Variants in MNDA observed in about 807,000 individuals in gnomAD.
The protein encoded by MNDA is epididymis secretory sperm binding protein.
Under a neutral mutation model 37.8 loss-of-function variants are expected in MNDA, and 43 were observed. The ratio of observed to expected loss-of-function variants is 1.14; its 90% CI spans 0.89 to 1.47. The LOEUF is 1.47. MNDA is among the 40% of genes most tolerant of loss of function. MNDA has a pLI of 0.00. For missense variants in MNDA, 536 were observed against 476.0 expected (o/e 1.13, Z -1.17); for synonymous variants, 181 against 169.0 (o/e 1.07, Z -0.55).
At position 158,847,917 on chromosome 1, in the gene MNDA, G is replaced by C; in HGVS notation, c.1176+1G>C. 1 of 1,613,152 alleles carries C rather than the reference G, an allele frequency of 6.2e-7. No individual in the cohort carries two copies. The highest frequency in any genetic ancestry group is 8.5e-7 in the Non-Finnish European group (1 of 1,179,442). Reference sequence around the variant, plus strand: ...GTGTGGAAGTCACAGCTTCATCAAGGTGGGAACTGGATAGAGGAGAATGAG... The same window carrying C: ...GTGTGGAAGTCACAGCTTCATCAAGCTGGGAACTGGATAGAGGAGAATGAG... On this transcript the variant is annotated splice_donor_variant, in intron 6 of 6. Transcript: ENST00000368141. LOFTEE classifies it high-confidence loss of function.
At chr1:158,842,548 A>G (rs1659050723) in intron 2 of MNDA, 130 bp downstream of exon 2, 1 of 906,036 alleles carries the variant, frequency 1.1e-6, no homozygotes. Flanking sequence ...GGATGTTGGC[A>G]CCTCAGAGAC....
At chr1:158,837,843 A>G (rs1281643166) in intron 1 of MNDA, among the ~76,000 whole-genome samples, 1 of 150,230 alleles carries the variant, frequency 6.7e-6, no homozygotes, top group Non-Finnish European at 1.5e-5. Flanking sequence ...GTAGTGAAAC[A>G]TTTTTATGTT....
intron 1 of MNDA, among the ~76,000 whole-genome samples, chr1:158,836,672 ACT>A (rs1035048508): frequency 1.3e-5 from 2 of 151,030 alleles, no homozygotes; most frequent in African/African-American, 4.9e-5. Flanking sequence ...CAGAAAACCA[ACT>A]CTTTTTTTTA....
chr1:158,844,090 T>C lies in MNDA; in HGVS notation c.538T>C (p.Ser180Pro). 1 of 1,599,852 alleles carries C rather than the reference T, an allele frequency of 6.3e-7. No homozygotes were observed. Among genetic ancestry groups the C allele is most frequent in the Non-Finnish European group, 8.5e-7 (1 of 1,174,284 alleles). The change falls in exon 4 of 7, where the codon TCA becomes CCA. Residue 180 changes from serine to proline, a missense_variant. Ser to Pro is a moderately conservative substitution (Grantham distance 74). Coordinates refer to ENST00000368141, the MANE Select transcript of MNDA (RefSeq NM_002432.3). ...TCATCCCCCACTACCCCAGACCTCA[T>C]CATCAACTCCATCCAACACTTCGTT... ...VDHPPLPQTS[S>P]STPSNTSFTP... is the part of the protein sequence containing the mutation.
chr1:158,845,584 C>G lies in MNDA; in HGVS notation c.571-3C>G, dbSNP rs754422474. 7.5e-6 allele frequency: 12 copies of G among 1,607,116 alleles called. No individual in the cohort carries two copies. The highest frequency in any genetic ancestry group is 8.5e-6 in the Non-Finnish European group (10 of 1,176,892). On this transcript the variant is annotated splice_polypyrimidine_tract_variant and splice_region_variant and intron_variant, in intron 4 of 6. Transcript: ENST00000368141. Reference sequence around the variant, plus strand: ...TTTATTTTCTTGTGTCTGCCCAACACAGAATCAGGAAACCCAGGCCCAACG... The same window carrying G: ...TTTATTTTCTTGTGTCTGCCCAACAGAGAATCAGGAAACCCAGGCCCAACG...
chr1:158,835,808 C>T (rs1281690181), intron 1 of MNDA, among the ~76,000 whole-genome samples: 1 of 151,750 alleles, frequency 6.6e-6, no homozygotes, highest in Non-Finnish European at 1.5e-5. Flanking sequence ...TCCTATTCTT[C>T]GTTTACTGAG....
At chr1:158,834,639 T>A (rs1275250567) in intron 1 of MNDA, among the ~76,000 whole-genome samples, 1 of 152,220 alleles carries the variant, frequency 6.6e-6, no homozygotes, top group Non-Finnish European at 1.5e-5. Flanking sequence ...CTAATTTATC[T>A]ATTTTATTGT....
rs768981776 is a variant in MNDA at position 158,845,979 on chromosome 1, G to A, written c.963G>A (p.Val321=). ...ACAAGCAAGCATCTGGAACAATGGT[G>A]TATGGGTTGTTTATGTTACAAAAGG... The part of the protein sequence containing the change: ...QLYKQASGTM[V]YGLFMLQKKS... The change falls in exon 5 of 7, where the codon GTG becomes GTA. Residue 321 remains valine (V), a synonymous_variant. Transcript: ENST00000368141. 7.5e-6 allele frequency: 12 copies of A among 1,608,988 alleles called. No homozygotes were observed. The highest frequency in any genetic ancestry group is 8.5e-6 in the Non-Finnish European group (10 of 1,178,054).
intron 3 of MNDA, 42 bp downstream of exon 3, chr1:158,843,457 G>A: frequency 1.9e-6 from 3 of 1,540,124 alleles, no homozygotes; most frequent in Non-Finnish European, 2.6e-6. Context: ...CCTCACAGAA[G>A]ATACTCTGCT....
At chr1:158,832,645 T>A (rs1028617627) in intron 1 of MNDA, among the ~76,000 whole-genome samples, 1 of 151,626 alleles carries the variant, frequency 6.6e-6, no homozygotes, top group Non-Finnish European at 1.5e-5. Context: ...AGTTGCATAC[T>A]TTACCATTAT....
chr1:158,845,666 T>A lies in MNDA; in HGVS notation c.650T>A (p.Leu217Gln), dbSNP rs754740104. Residue 217 changes from leucine (L) to glutamine (Q), a missense_variant, in exon 5 of 7, where the codon CTG becomes CAG. Coordinates refer to ENST00000368141, the MANE Select transcript of MNDA (RefSeq NM_002432.3). The stretch of plus-strand genomic sequence containing the variant: ...AACGACCCAGTGACAGTGGTGGTAC[T>A]GAAAGCAACAGCGCCATTTAAATAC... ...PQNDPVTVVVLKATAPFKYES... is the reference protein window; with the variant it reads ...PQNDPVTVVVQKATAPFKYES... 1.2e-6 allele frequency: 2 copies of A among 1,614,146 alleles called. No homozygotes were observed.
rs200310775 is a variant in MNDA at position 158,847,867 on chromosome 1, C to G, written c.1127C>G (p.Thr376Arg). The change falls in exon 6 of 7, where the codon ACA becomes AGA. Residue 376 changes from threonine (T) to arginine (R), a missense_variant. By Grantham distance (71) the Thr-to-Arg change is moderately conservative (BLOSUM62 -1). Coordinates refer to ENST00000368141, the MANE Select transcript of MNDA (RefSeq NM_002432.3). ...CGACTCTTCTGCCTTCAACTGAGAA[C>G]AGTTGACCGCAAGCTGAAACTGGTG... The part of the protein sequence containing the change: ...KLRLFCLQLR[T>R]VDRKLKLVCG... 6.2e-7 allele frequency: 1 copy of G among 1,613,964 alleles called. No homozygotes were observed.
intron 1 of MNDA, among the ~76,000 whole-genome samples, chr1:158,837,370 T>C (rs12410802): frequency 6.6e-6 from 1 of 151,710 alleles, no homozygotes; most frequent in Non-Finnish European, 1.5e-5. Flanking sequence ...AAATGTTTCA[T>C]ATATTAGGAG....
chr1:158,843,139 G>A, intron 2 of MNDA, 140 bp from the exon 3 acceptor site: 1 of 1,033,338 alleles, frequency 9.7e-7, no homozygotes, highest in Non-Finnish European at 1.4e-6. Flanking sequence ...AGCCAGGCTG[G>A]GTTAATGCAG....
At chr1:158,838,736 T>C (rs1448671736) in intron 1 of MNDA, among the ~76,000 whole-genome samples, 1 of 152,156 alleles carries the variant, frequency 6.6e-6, no homozygotes, top group Non-Finnish European at 1.5e-5. Context: ...TCCCACTTGA[T>C]GAACTTTATA....
Position 158,849,288 on chromosome 1 carries a change from T to G in MNDA, c.*51T>G. ...CAACTTCCGCTTAAAACAATTAAGT[T>G]GTTAATAACTGTGATTTTGTAAATT... is the stretch of plus-strand genomic sequence containing the variant. On this transcript the variant is annotated 3_prime_UTR_variant, in exon 7 of 7. Transcript: ENST00000368141. The G allele has an allele frequency of 6.7e-7, 1 of 1,486,270 alleles. No individual in the cohort carries two copies. The highest frequency in any genetic ancestry group is 9.3e-7 in the Non-Finnish European group (1 of 1,071,002). The allele number at this position is 1,486,270 out of a possible 1,614,324, so 92.1% of individuals were successfully genotyped here.
chr1:158,844,507 G>C (rs958784649), intron 4 of MNDA, among the ~76,000 whole-genome samples: 1 of 146,758 alleles, frequency 6.8e-6, no homozygotes, highest in Non-Finnish European at 1.5e-5. Flanking sequence ...GGACACTGTG[G>C]AGAGAGGACA....
At chr1:158,844,327 T>C (rs1466678492) in intron 4 of MNDA, among the ~76,000 whole-genome samples, 3 of 151,584 alleles carry the variant, frequency 2.0e-5, no homozygotes, top group Non-Finnish European at 2.9e-5. Context: ...TCACTGTGTG[T>C]AAAACACCAG....
chr1:158,844,248 C>T (rs1659090722), intron 4 of MNDA, 126 bp downstream of exon 4: 1 of 1,016,712 alleles, frequency 9.8e-7, no homozygotes, highest in Non-Finnish European at 1.4e-6. Flanking sequence ...AACTGTTTTC[C>T]ATATTATGAT....
Sources: gnomAD v4.1 joint callset for allele counts (sites outside exome capture counted in the v4.1 genomes callset) on GRCh38, gnomAD v4.1.1 for gene constraint, MANE v1.5 for transcripts, NCBI Gene and HGNC (gene_info 2026-07-23, HGNC 2026-07-21) for gene names.